Variants in BORCS8 observed in about 807,000 individuals in gnomAD.
BORCS8 encodes BLOC-1 related complex subunit 8, also known as BLOC-1-related complex subunit 8.
A neutral mutation model predicts 18.7 loss-of-function variants in BORCS8; 13 were observed. The ratio of observed to expected loss-of-function variants is 0.70; its 90% CI spans 0.45 to 1.11. The LOEUF is 1.11. BORCS8 is among the 50% of genes least tolerant of loss of function. The pLI, the probability that BORCS8 is intolerant of heterozygous loss-of-function variation, is 0.00. For missense variants in BORCS8, 165 were observed against 165.7 expected (o/e 1.00, Z 0.02); for synonymous variants, 68 against 64.8 (o/e 1.05, Z -0.24).
chr19:19,180,402 G>C (rs191187689), intron 5 of BORCS8: 12 of 499,404 alleles, frequency 2.4e-5, no homozygotes, highest in East Asian at 1.2e-4. Flanking sequence ...CTCTGTCTTG[G>C]GGGGTGGAAA....
intron 1 of BORCS8, among the ~76,000 whole-genome samples, chr19:19,190,044 A>T (rs1049117929): frequency 5.3e-5 from 8 of 152,152 alleles, no homozygotes; most frequent in Non-Finnish European, 8.8e-5. Context: ...CCATTCCGTC[A>T]CTGGCTCTCC....
intron 5 of BORCS8, chr19:19,178,180 G>C (rs1174045321): frequency 2.0e-5 from 3 of 152,232 alleles, no homozygotes; most frequent in Non-Finnish European, 2.9e-5. Context: ...GGATTATTTT[G>C]ATGGCAGTTA....
chr19:19,184,914 T>G (rs2060391356), intron 3 of BORCS8, among the ~76,000 whole-genome samples: 1 of 152,096 alleles, frequency 6.6e-6, no homozygotes, highest in African/African-American at 2.4e-5. Flanking sequence ...TTCTTTCTTC[T>G]TTAGAGGAGA....
In BORCS8 at chr19:19,182,251, T is replaced by C. The variant is rs543433495; in HGVS notation, c.326+322A>G. ...ACCTCCTAGGAGGGGCCCCGCAGTG[T>C]TCTTCACAGCGCATCTGACATGCTC... On this transcript the variant is annotated intron_variant, in intron 4 of 5. Transcript: ENST00000462790. This position sits in a 1 kb window ranked among gnomAD's most constrained non-coding sequence, Gnocchi z 4.1. The C allele has an allele frequency of 2.1e-6, 1 of 465,340 alleles. No individual in the cohort carries two copies. Among genetic ancestry groups the C allele is most frequent in the East Asian group, 8.2e-5 (1 of 12,232 alleles). The allele number at this position is 465,340 out of a possible 1,614,324, so 28.8% of individuals were successfully genotyped here.
At chr19:19,185,716 T>A (rs2060401309) in intron 3 of BORCS8, among the ~76,000 whole-genome samples, 1 of 152,222 alleles carries the variant, frequency 6.6e-6, no homozygotes, top group South Asian at 2.1e-4. Context: ...CAGCCATATC[T>A]GTGCTTTGGG....
At chr19:19,188,386 G>C (rs760658236) in intron 1 of BORCS8, among the ~76,000 whole-genome samples, 24 of 151,780 alleles carry the variant, frequency 1.6e-4, no homozygotes, top group African/African-American at 5.3e-4. Flanking sequence ...CTGAACTCTT[G>C]GTCTCAAGTG....
chr19:19,182,319 G>T lies in BORCS8; in HGVS notation c.326+254C>A. ...CTGGTTGTCGTATGTCTCCTTGTGA[G>T]CCTGTCTGTCTCGGTCACTGCTATG... On this transcript the variant is annotated intron_variant, in intron 4 of 5. Transcript: ENST00000462790. The surrounding 1 kb of genome is among the most constrained non-coding windows in gnomAD (Gnocchi z 4.1). 2 of 881,422 alleles carry T rather than the reference G, an allele frequency of 2.3e-6. No individual in the cohort carries two copies. Among genetic ancestry groups the T allele is most frequent in the Non-Finnish European group, 3.0e-6 (2 of 656,012 alleles). The allele number at this position is 881,422 out of a possible 1,614,324, so 54.6% of individuals were successfully genotyped here. A position where few individuals can be genotyped will look rare whatever the true frequency, so the allele number is the denominator to read the frequency against.
chr19:19,182,264 A>G lies in BORCS8; in HGVS notation c.326+309T>C. 1.9e-6 allele frequency: 1 copy of G among 524,754 alleles called. No homozygotes were observed. The allele number at this position is 524,754 out of a possible 1,614,324, so 32.5% of individuals were successfully genotyped here. On this transcript the variant is annotated intron_variant, in intron 4 of 5. Coordinates refer to ENST00000462790, the MANE Select transcript of BORCS8 (RefSeq NM_001145784.2). This position sits in a 1 kb window ranked among gnomAD's most constrained non-coding sequence, Gnocchi z 4.1. The stretch of plus-strand genomic sequence containing the variant: ...GGCCCCGCAGTGTTCTTCACAGCGC[A>G]TCTGACATGCTCTTGTCTGCCATGT...
rs750983758 is a variant in BORCS8, at chr19:19,182,523, G to C, written c.326+50C>G. The C allele has an allele frequency of 1.3e-6, 2 of 1,534,444 alleles. No individual in the cohort carries two copies. Among genetic ancestry groups the C allele is most frequent in the Non-Finnish European group, 1.8e-6 (2 of 1,140,294 alleles). Reference sequence around the variant, plus strand: ...GCGGTTCCCAGCGCAGCTGAGAGACGGTCCTTGCAGCTGGGAGTGGCAGTG... The same window carrying C: ...GCGGTTCCCAGCGCAGCTGAGAGACCGTCCTTGCAGCTGGGAGTGGCAGTG... On this transcript the variant is annotated intron_variant, in intron 4 of 5. Transcript: ENST00000462790. This position sits in a 1 kb window ranked among gnomAD's most constrained non-coding sequence, Gnocchi z 4.1.
Position 19,182,105 on chromosome 19 carries a change from C to T in BORCS8, c.326+468G>A. 2.1e-6 allele frequency: 2 copies of T among 940,360 alleles called. No homozygotes were observed. Among genetic ancestry groups the T allele is most frequent in the Non-Finnish European group, 2.5e-6 (2 of 788,850 alleles). The allele number at this position is 940,360 out of a possible 1,614,324, so 58.3% of individuals were successfully genotyped here. A position where few individuals can be genotyped will look rare whatever the true frequency, so the allele number is the denominator to read the frequency against. ...AGCTGGCCGGCTCCAGCCACAGAAGCCTTCTCGGTGCTTCTCGAACACTCC... is the reference window on the plus strand; with the variant it reads ...AGCTGGCCGGCTCCAGCCACAGAAGTCTTCTCGGTGCTTCTCGAACACTCC... On this transcript the variant is annotated intron_variant, in intron 4 of 5. Transcript: ENST00000462790. The surrounding 1 kb of genome is among the most constrained non-coding windows in gnomAD (Gnocchi z 4.1).
intron 5 of BORCS8, chr19:19,178,989 C>G (rs916283285): frequency 8.6e-5 from 13 of 151,698 alleles, no homozygotes; most frequent in Admixed American, 7.3e-4. Flanking sequence ...AAAAAAAAAG[C>G]CTCTGAGATG....
At chr19:19,177,838 CA>C (rs1282735737) in intron 5 of BORCS8, 2 of 154,880 alleles carry the variant, frequency 1.3e-5, no homozygotes, top group African/African-American at 4.8e-5. Context: ...GGGCTGGGAC[CA>C]AACCAAGCCG....
In BORCS8 at chr19:19,180,618, G is replaced by A. The variant is rs916631957; in HGVS notation, c.*42+68C>T. ...GGTTAGACAAGCAGGTGCCTGCCTG[G>A]CTGCCAAGCGGGCGGGTTGGTTAGT... is the stretch of plus-strand genomic sequence containing the variant. On this transcript the variant is annotated intron_variant, in intron 5 of 5. Coordinates refer to ENST00000462790, the MANE Select transcript of BORCS8 (RefSeq NM_001145784.2). The A allele has an allele frequency of 2.7e-6, 3 of 1,110,058 alleles. No individual in the cohort carries two copies. In the African/African-American group the frequency reaches 4.6e-5, roughly 17 times the overall value. The allele number at this position is 1,110,058 out of a possible 1,614,324, so 68.8% of individuals were successfully genotyped here. A position where few individuals can be genotyped will look rare whatever the true frequency, so the allele number is the denominator to read the frequency against.
chr19:19,191,463 G>A (rs2060475688), intron 1 of BORCS8, among the ~76,000 whole-genome samples: 1 of 148,098 alleles, frequency 6.8e-6, no homozygotes, highest in Admixed American at 6.8e-5. Context: ...CCGCACCCCA[G>A]CCTGGGCGAC....
chr19:19,186,888 CTCACCT>C lies in BORCS8; in HGVS notation c.149_150+4del. On this transcript the variant is annotated splice_donor_variant and splice_donor_region_variant and coding_sequence_variant and intron_variant, in exon 2 of 6. Transcript: ENST00000462790. LOFTEE classifies it high-confidence loss of function. ...CCCTGCTCCTCCCAGCAGGCCCCAGCTCACCTTGTGCTGGGCCAGCTCGGGGAGGGA... is the reference window on the plus strand; with the variant it reads ...CCCTGCTCCTCCCAGCAGGCCCCAGCTGTGCTGGGCCAGCTCGGGGAGGGA... 6.5e-7 allele frequency: 1 copy of C among 1,540,434 alleles called. No homozygotes were observed. The highest frequency in any genetic ancestry group is 1.4e-5 in the African/African-American group (1 of 73,016).
chr19:19,187,122 C>G (rs1250903363), intron 1 of BORCS8, 117 bp from the exon 2 acceptor site: 2 of 713,826 alleles, frequency 2.8e-6, no homozygotes, highest in African/African-American at 3.5e-5. Flanking sequence ...CCCTCCGCAG[C>G]TAGGTCACTC....
intron 1 of BORCS8, among the ~76,000 whole-genome samples, chr19:19,187,476 CAA>C (rs35314944): frequency 8.2e-6 from 1 of 122,404 alleles, no homozygotes; most frequent in Non-Finnish European, 1.7e-5. Context: ...AACTCCATCT[CAA>C]AAAAAAAAAA....
At chr19:19,181,012 T>C (rs1451799873) in intron 4 of BORCS8, among the ~76,000 whole-genome samples, 1 of 151,740 alleles carries the variant, frequency 6.6e-6, no homozygotes, top group Non-Finnish European at 1.5e-5. Flanking sequence ...CTGGCCAACA[T>C]GGCGAAACCC....
At chr19:19,177,779 G>A (rs2060314602) in intron 5 of BORCS8, 1 of 175,016 alleles carries the variant, frequency 5.7e-6, no homozygotes, top group South Asian at 1.1e-4. Context: ...GGGAGACCCA[G>A]AGAGGGCCAG....
Sources: gnomAD v4.1 joint callset for allele counts (sites outside exome capture counted in the v4.1 genomes callset) on GRCh38, gnomAD v4.1.1 for gene constraint, Gnocchi (gnomAD v3.1) non-coding constraint, MANE v1.5 for transcripts, NCBI Gene and HGNC (gene_info 2026-07-23, HGNC 2026-07-21) for gene names.